EFNA5: variants seen among roughly 807,000 people sequenced by gnomAD.
The protein encoded by EFNA5 is ephrin A5, also known as ephrin-A5.
EFNA5 carries 5 observed loss-of-function variants against 22.9 expected under a neutral mutation model. That is an observed-to-expected ratio of 0.22 (90% CI 0.11 to 0.46). The LOEUF is 0.46. Ranked by LOEUF, EFNA5 falls within the 20% of genes least tolerant of loss-of-function variation. The probability of loss-of-function intolerance (pLI) is 0.99; values close to 1 mark genes in which losing one functional copy is unlikely to be tolerated. For missense variants in EFNA5, 237 were observed against 293.3 expected, an observed-to-expected ratio of 0.81 and a Z score of 1.40; for synonymous variants, 113 against 112.2, an observed-to-expected ratio of 1.01 and a Z score of -0.04.
At chr5:107,586,945 G>A (rs1230901687) in intron 1 of EFNA5, among the ~76,000 whole-genome samples, 1 of 152,154 alleles carries the variant, frequency 6.6e-6, no homozygotes, top group East Asian at 1.9e-4. Context: ...GATATGACTA[G>A]GGGTAATCTT....
intron 1 of EFNA5, among the ~76,000 whole-genome samples, chr5:107,516,586 T>C (rs1747486788): frequency 6.6e-6 from 1 of 152,196 alleles, no homozygotes; most frequent in East Asian, 1.9e-4. Flanking sequence ...AACTGCTTCT[T>C]TGATACACTA....
chr5:107,635,418 A>G (rs1472960625), intron 1 of EFNA5, among the ~76,000 whole-genome samples: 2 of 152,214 alleles, frequency 1.3e-5, no homozygotes, highest in African/African-American at 4.8e-5. Flanking sequence ...ATCTTCCCCC[A>G]GCGGTTCAGC....
intron 1 of EFNA5, among the ~76,000 whole-genome samples, chr5:107,662,558 T>C (rs559851592): frequency 6.6e-6 from 1 of 152,188 alleles, no homozygotes; most frequent in Non-Finnish European, 1.5e-5. Flanking sequence ...TAGCAGTCAG[T>C]TGATATACTC....
At chr5:107,470,042 A>C (rs1750096760) in intron 1 of EFNA5, among the ~76,000 whole-genome samples, 1 of 152,204 alleles carries the variant, frequency 6.6e-6, no homozygotes, top group Non-Finnish European at 1.5e-5. Flanking sequence ...GGAAATAATT[A>C]CTCTGATTCT....
At chr5:107,542,024 C>G (rs1242381213) in intron 1 of EFNA5, among the ~76,000 whole-genome samples, 4 of 152,162 alleles carry the variant, frequency 2.6e-5, no homozygotes, top group Non-Finnish European at 5.9e-5. Context: ...AAATTTAACA[C>G]TGAAAATTCT....
chr5:107,450,945 C>T (rs1005468999), intron 1 of EFNA5, among the ~76,000 whole-genome samples: 8 of 152,228 alleles, frequency 5.3e-5, no homozygotes, highest in African/African-American at 1.9e-4. Flanking sequence ...AAACTGAGAG[C>T]TACGTGGTCT....
chr5:107,483,796 A>T (rs1304692215), intron 1 of EFNA5, among the ~76,000 whole-genome samples: 1 of 152,198 alleles, frequency 6.6e-6, no homozygotes, highest in Non-Finnish European at 1.5e-5. Context: ...TTTTGGGTAG[A>T]GTCAAACTGA....
intron 1 of EFNA5, among the ~76,000 whole-genome samples, chr5:107,472,658 T>C (rs1750170159): frequency 6.6e-6 from 1 of 152,176 alleles, no homozygotes; most frequent in Admixed American, 6.5e-5. Flanking sequence ...GTGGGACTTG[T>C]CAGACTGTGC....
intron 1 of EFNA5, among the ~76,000 whole-genome samples, chr5:107,631,717 C>T (rs1215498775): frequency 6.6e-6 from 1 of 151,814 alleles, no homozygotes; most frequent in African/African-American, 2.4e-5. Context: ...TTTAAAAAAG[C>T]ATTGACATAA....
intron 2 of EFNA5, among the ~76,000 whole-genome samples, chr5:107,416,048 T>G (rs1472369358): frequency 3.3e-5 from 5 of 152,206 alleles, no homozygotes; most frequent in Non-Finnish European, 1.5e-5. Context: ...TCAATACTCT[T>G]GCTAATCATT....
intron 1 of EFNA5, among the ~76,000 whole-genome samples, chr5:107,647,237 C>G (rs561585343): frequency 6.6e-6 from 1 of 152,100 alleles, no homozygotes; most frequent in South Asian, 2.1e-4. Flanking sequence ...ATTTAAGAGC[C>G]AGACAAGCAA....
At chr5:107,413,132 C>T (rs1748414813) in intron 2 of EFNA5, among the ~76,000 whole-genome samples, 1 of 152,186 alleles carries the variant, frequency 6.6e-6, no homozygotes, top group Non-Finnish European at 1.5e-5. Flanking sequence ...CTGCCCAACT[C>T]TCCAAACCTA....
chr5:107,595,596 T>C (rs1015725813), intron 1 of EFNA5, among the ~76,000 whole-genome samples: 4 of 152,252 alleles, frequency 2.6e-5, no homozygotes, highest in Non-Finnish European at 5.9e-5. Context: ...CTCAACTTTA[T>C]AATTTTCCTG....
intron 1 of EFNA5, among the ~76,000 whole-genome samples, chr5:107,550,052 G>A (rs935987252): frequency 5.3e-5 from 8 of 152,126 alleles, no homozygotes; most frequent in Non-Finnish European, 1.2e-4. Context: ...GCTCATTATA[G>A]GGTCTTCTTA....
chr5:107,426,505 T>C (rs1289721288), intron 2 of EFNA5, among the ~76,000 whole-genome samples: 3 of 152,154 alleles, frequency 2.0e-5, no homozygotes, highest in African/African-American at 7.2e-5. Context: ...ACCTATAACA[T>C]ATGATAGTAG....
intron 1 of EFNA5, among the ~76,000 whole-genome samples, chr5:107,640,820 T>C (rs182199485): frequency 1.3e-5 from 2 of 152,248 alleles, no homozygotes; most frequent in East Asian, 1.9e-4. Flanking sequence ...TGCTGCCACA[T>C]GCAAGGTCAA....
rs1023060704 is a variant in EFNA5, at chr5:107,463,405, T to C, written c.126-35896A>G. On this transcript the variant is annotated intron_variant, in intron 1 of 4. Transcript: ENST00000333274. ...ATATATTTCTGATTTTCCTCAATAA[T>C]ACATTTATTTTATAATCAGAAAGAT... Among the ~76,000 whole-genome samples, 66 of 152,078 alleles carry C rather than the reference T, an allele frequency of 4.3e-4. 1 individual carries two copies. The highest frequency in any genetic ancestry group is 4.0e-3 in the Admixed American group (61 of 15,242).
At chr5:107,610,362 G>A (rs529777607) in intron 1 of EFNA5, among the ~76,000 whole-genome samples, 2 of 152,206 alleles carry the variant, frequency 1.3e-5, no homozygotes, top group African/African-American at 2.4e-5. Flanking sequence ...CACCCGCCCC[G>A]CTTGAAGAAG....
At chr5:107,595,722 T>A (rs1029779847) in intron 1 of EFNA5, among the ~76,000 whole-genome samples, 1 of 152,202 alleles carries the variant, frequency 6.6e-6, no homozygotes, top group Non-Finnish European at 1.5e-5. Context: ...AGATTCGGAA[T>A]CAGACAGACC....
Sources: gnomAD v4.1 joint callset for allele counts (sites outside exome capture counted in the v4.1 genomes callset) on GRCh38, gnomAD v4.1.1 for gene constraint, MANE v1.5 for transcripts, NCBI Gene and HGNC (gene_info 2026-07-23, HGNC 2026-07-21) for gene names.